RBMS3: variants seen among roughly 807,000 people sequenced by gnomAD.
RBMS3 encodes the protein RNA-binding motif, single-stranded-interacting protein 3.
Under a neutral mutation model 66.8 loss-of-function variants are expected in RBMS3, and 27 were observed. The observed-to-expected ratio is 0.40, with a 90% CI of 0.30 to 0.56. RBMS3 has a LOEUF of 0.56. RBMS3 is among the 20% of genes least tolerant of loss of function. RBMS3 has a pLI of 0.40. For missense variants in RBMS3, 513 were observed against 549.5 expected, an observed-to-expected ratio of 0.93 and a Z score of 0.66; for synonymous variants, 188 against 183.0, an observed-to-expected ratio of 1.03 and a Z score of -0.22.
At chr3:29,964,327 C>T (rs78771183) in intron 12 of RBMS3, among the ~76,000 whole-genome samples, 2,021 of 152,160 alleles carry the variant, frequency 0.013, 36 homozygotes, top group African/African-American at 0.046. Flanking sequence ...AGGACTCCAA[C>T]GTTTATTAAC....
intron 1 of RBMS3, among the ~76,000 whole-genome samples, chr3:29,421,172 C>T (rs962913236): frequency 3.3e-5 from 5 of 151,630 alleles, no homozygotes; most frequent in Admixed American, 6.6e-5. Context: ...AGTTTTACAT[C>T]GTATTCTTCA....
At chr3:29,468,821 A>G (rs1559385740) in intron 2 of RBMS3, among the ~76,000 whole-genome samples, 3 of 152,112 alleles carry the variant, frequency 2.0e-5, no homozygotes, top group South Asian at 4.1e-4. Flanking sequence ...GCTACCTGAA[A>G]TTAACAAAAA....
At chr3:29,772,445 CTTCT>C (rs948328700) in intron 6 of RBMS3, among the ~76,000 whole-genome samples, 2 of 151,842 alleles carry the variant, frequency 1.3e-5, no homozygotes, top group African/African-American at 2.4e-5. Context: ...TGATTTTTAC[CTTCT>C]TTGTGAGTTT....
intron 6 of RBMS3, among the ~76,000 whole-genome samples, chr3:29,865,789 A>G (rs1457130404): frequency 6.6e-6 from 1 of 152,076 alleles, no homozygotes; most frequent in Non-Finnish European, 1.5e-5. Context: ...GTTCTTATGT[A>G]TGGGCCAATT....
At chr3:29,816,311 G>C (rs9310919) in intron 6 of RBMS3, among the ~76,000 whole-genome samples, 51 of 69,078 alleles carry the variant, frequency 7.4e-4, no homozygotes, top group Middle Eastern at 6.6e-3. Context: ...GACACACACA[G>C]ACACACACAC....
chr3:29,450,990 G>A lies in RBMS3; in HGVS notation c.248+16075G>A, dbSNP rs556495742. ...GTCAACACTTTCATATTTGGGAGCT[G>A]TAATTTCCTCAAAGGTAGGCACGGT... is the stretch of plus-strand genomic sequence containing the variant. On this transcript the variant is annotated intron_variant, in intron 2 of 14. Transcript: ENST00000383767. Among the ~76,000 whole-genome samples, 6 of 151,894 alleles carry A rather than the reference G, an allele frequency of 4.0e-5. 1 individual carries two copies. Among genetic ancestry groups the A allele is most frequent in the African/African-American group, 1.2e-4 (5 of 41,420 alleles).
intron 1 of RBMS3, among the ~76,000 whole-genome samples, chr3:29,409,271 A>G (rs576014744): frequency 1.7e-4 from 26 of 152,296 alleles, no homozygotes; most frequent in Non-Finnish European, 2.2e-4. Context: ...GGGTTACTCC[A>G]GTCACTGAAG....
chr3:29,582,733 G>A (rs1168993052), intron 3 of RBMS3, among the ~76,000 whole-genome samples: 3 of 152,150 alleles, frequency 2.0e-5, no homozygotes, highest in East Asian at 1.9e-4. Context: ...CAAATTGAAA[G>A]CAAATTAAAG....
chr3:29,835,990 A>C (rs1029450829), intron 6 of RBMS3, among the ~76,000 whole-genome samples: 2 of 151,998 alleles, frequency 1.3e-5, no homozygotes, highest in Admixed American at 1.3e-4. Context: ...AATATAAACA[A>C]TTATATGGCA....
At chr3:29,334,692 G>A (rs60640803) in intron 1 of RBMS3, among the ~76,000 whole-genome samples, 41,256 of 152,050 alleles carry the variant, frequency 0.27, 5,916 homozygotes, top group Middle Eastern at 0.32. Context: ...GTCAGGACAT[G>A]TCGTTGTTCA....
chr3:29,633,749 T>C (rs1173976122), intron 4 of RBMS3, among the ~76,000 whole-genome samples: 16 of 151,868 alleles, frequency 1.1e-4, no homozygotes, highest in Non-Finnish European at 2.4e-4. Flanking sequence ...TGCCCTGCCA[T>C]GTTGTTGTAA....
chr3:29,517,316 T>TA (rs1447105943), intron 3 of RBMS3, among the ~76,000 whole-genome samples: 1 of 134,292 alleles, frequency 7.4e-6, no homozygotes, highest in African/African-American at 3.3e-5. Flanking sequence ...TGTATATATA[T>TA]ATATTTTTTT....
intron 1 of RBMS3, among the ~76,000 whole-genome samples, chr3:29,402,291 C>T (rs941709035): frequency 1.3e-5 from 2 of 152,066 alleles, no homozygotes; most frequent in African/African-American, 4.8e-5. Context: ...CAAGGTAGTA[C>T]TGAAGACTCC....
At chr3:29,875,493 A>G (rs751478310) in intron 7 of RBMS3, among the ~76,000 whole-genome samples, 20 of 152,164 alleles carry the variant, frequency 1.3e-4, no homozygotes, top group Non-Finnish European at 2.8e-4. Context: ...AAAGAAAAGG[A>G]ACTTGACATA....
intron 4 of RBMS3, among the ~76,000 whole-genome samples, chr3:29,675,646 A>C (rs2051214418): frequency 6.6e-6 from 1 of 152,260 alleles, no homozygotes. Context: ...TCAAAAGAAG[A>C]CATTTATGCA....
chr3:29,551,573 T>G (rs1261232324), intron 3 of RBMS3, among the ~76,000 whole-genome samples: 1 of 152,354 alleles, frequency 6.6e-6, no homozygotes, highest in African/African-American at 2.4e-5. Flanking sequence ...AGGTCTTACT[T>G]GCATATTCGT....
At chr3:29,853,619 A>T (rs1464630508) in intron 6 of RBMS3, among the ~76,000 whole-genome samples, 2 of 151,828 alleles carry the variant, frequency 1.3e-5, no homozygotes, top group African/African-American at 4.8e-5. Flanking sequence ...GTTTTTCCCT[A>T]ATTAGCATTT....
At chr3:29,656,376 T>G (rs956485686) in intron 4 of RBMS3, among the ~76,000 whole-genome samples, 1 of 152,184 alleles carries the variant, frequency 6.6e-6, no homozygotes, top group African/African-American at 2.4e-5. Context: ...CTGGCCACAA[T>G]ATACAGTACA....
chr3:29,587,312 A>C, intron 4 of RBMS3, 107 bp downstream of exon 4: 2 of 632,522 alleles, frequency 3.2e-6, no homozygotes, highest in East Asian at 3.4e-5. Flanking sequence ...GGAAGGAAGA[A>C]GGAGAGATTA....
Sources: allele counts gnomAD v4.1 joint callset (sites outside exome capture counted in the v4.1 genomes callset), GRCh38; gene constraint gnomAD v4.1.1; transcripts MANE v1.5; gene names NCBI Gene and HGNC (gene_info 2026-07-23, HGNC 2026-07-21).